MGAT4C: variants seen among roughly 807,000 people sequenced by gnomAD.
MGAT4C encodes alpha-1,3-mannosyl-glycoprotein 4-beta-N-acetylglucosaminyltransferase C.
Under a neutral mutation model 40.1 loss-of-function variants are expected in MGAT4C, and 19 were observed. That is an observed-to-expected ratio of 0.47 (90% confidence interval 0.33 to 0.70). The LOEUF (loss-of-function observed/expected upper bound fraction) is 0.70, where lower values mean the gene tolerates loss of function less well. Among genes scored for constraint, MGAT4C ranks in the 30% least tolerant of loss-of-function variants. MGAT4C has a pLI of 0.02. For synonymous variants in MGAT4C, 181 were observed against 187.1 expected (o/e 0.97, Z 0.27); for missense variants, 491 against 563.2 (o/e 0.87, Z 1.30).
At chr12:86,821,419 T>C (rs1242553754) in intron 1 of MGAT4C, among the ~76,000 whole-genome samples, 3 of 150,968 alleles carry the variant, frequency 2.0e-5, no homozygotes, top group Non-Finnish European at 4.5e-5. Context: ...TATTTTGATA[T>C]TATACAAGCA....
chr12:86,604,567 C>T (rs964720478), intron 2 of MGAT4C, among the ~76,000 whole-genome samples: 3 of 152,090 alleles, frequency 2.0e-5, no homozygotes, highest in African/African-American at 4.8e-5. Flanking sequence ...TCCAAATGTA[C>T]GTATCTAACA....
At chr12:86,554,516 C>A (rs939262238) in intron 2 of MGAT4C, among the ~76,000 whole-genome samples, 1 of 152,150 alleles carries the variant, frequency 6.6e-6, no homozygotes, top group African/African-American at 2.4e-5. Flanking sequence ...TCTTCTGTTT[C>A]CCCAAGATCC....
chr12:86,780,887 C>CT (rs1951827879), intron 1 of MGAT4C, among the ~76,000 whole-genome samples: 1 of 152,126 alleles, frequency 6.6e-6, no homozygotes, highest in Admixed American at 6.6e-5. Context: ...TTAGTTTCCA[C>CT]TGATAAGTGA....
chr12:86,650,292 T>G (rs1452626576), intron 2 of MGAT4C, among the ~76,000 whole-genome samples: 2 of 151,956 alleles, frequency 1.3e-5, no homozygotes, highest in African/African-American at 4.8e-5. Flanking sequence ...CAAGTATATT[T>G]CTTATGTGCC....
chr12:86,608,601 C>G (rs1962129658), intron 2 of MGAT4C, among the ~76,000 whole-genome samples: 1 of 151,768 alleles, frequency 6.6e-6, no homozygotes, highest in African/African-American at 2.4e-5. Flanking sequence ...TGTGCTAGTA[C>G]TTTATAATAC....
intron 2 of MGAT4C, among the ~76,000 whole-genome samples, chr12:86,705,239 TATCTATC>T (rs1950434156): frequency 6.6e-6 from 1 of 151,910 alleles, no homozygotes; most frequent in Non-Finnish European, 1.5e-5. Context: ...TCTATCTATC[TATCTATC>T]TATCTATCTA....
At chr12:86,499,718 A>G (rs893794311) in intron 2 of MGAT4C, among the ~76,000 whole-genome samples, 1 of 151,932 alleles carries the variant, frequency 6.6e-6, no homozygotes, top group Non-Finnish European at 1.5e-5. Context: ...ATCACAATTC[A>G]TTGTCATCTG....
At chr12:86,414,301 C>G (rs376142895) in intron 3 of MGAT4C, among the ~76,000 whole-genome samples, 6 of 151,926 alleles carry the variant, frequency 3.9e-5, no homozygotes, top group African/African-American at 1.5e-4. Flanking sequence ...GTTCTCAAAC[C>G]AGAAAGTCAT....
At chr12:86,590,582 C>T (rs1433615850) in intron 2 of MGAT4C, among the ~76,000 whole-genome samples, 1 of 151,890 alleles carries the variant, frequency 6.6e-6, no homozygotes, top group Admixed American at 6.6e-5. Flanking sequence ...ATATGGCTCC[C>T]TATTTTCAAA....
intron 1 of MGAT4C, among the ~76,000 whole-genome samples, chr12:86,121,412 C>T (rs542141740): frequency 2.7e-4 from 41 of 152,194 alleles, no homozygotes; most frequent in African/African-American, 9.6e-4. Context: ...AAAGATACTC[C>T]TCGAGACAAG....
chr12:86,277,223 T>C (rs1411942725), intron 4 of MGAT4C, among the ~76,000 whole-genome samples: 1 of 152,212 alleles, frequency 6.6e-6, no homozygotes, highest in Non-Finnish European at 1.5e-5. Context: ...ATGTCTCCTC[T>C]TGAGAAATGT....
At chr12:86,245,446 G>T (rs1542780) in intron 1 of MGAT4C, among the ~76,000 whole-genome samples, 121,935 of 152,104 alleles carry the variant, frequency 0.8, 49,098 homozygotes, top group East Asian at 0.95. Context: ...TTTGAACTTC[G>T]TTATATTTTG....
At chr12:86,501,608 T>C (rs1043443961) in intron 2 of MGAT4C, among the ~76,000 whole-genome samples, 5 of 151,814 alleles carry the variant, frequency 3.3e-5, no homozygotes, top group African/African-American at 1.2e-4. Flanking sequence ...GGTTTTCTGT[T>C]CCTGCATTAG....
At chr12:86,401,251 CAT>C (rs974323969) in intron 3 of MGAT4C, among the ~76,000 whole-genome samples, 19 of 145,306 alleles carry the variant, frequency 1.3e-4, no homozygotes, top group South Asian at 2.2e-4. Context: ...TTGTAGATAA[CAT>C]ATATATATGT....
rs1370530948 is a variant in MGAT4C, at chr12:85,957,630, C to A, written c.*21659G>T. ...TATGTCAAATAAAACCACAGATTTTCTTTTACTGTAGAGTTGAATAAGAAA... is the reference window on the plus strand; with the variant it reads ...TATGTCAAATAAAACCACAGATTTTATTTTACTGTAGAGTTGAATAAGAAA... On this transcript the variant is annotated 3_prime_UTR_variant, in exon 5 of 5. Coordinates refer to ENST00000611864, the MANE Select transcript of MGAT4C (RefSeq NM_001351288.2). The A allele has an allele frequency of 9.0e-6, 1 of 111,696 alleles. No homozygotes were observed. The highest frequency in any genetic ancestry group is 3.4e-5 in the African/African-American group (1 of 29,062). The allele number at this position is 111,696 out of a possible 1,614,324, so 6.9% of individuals were successfully genotyped here. A position where few individuals can be genotyped will look rare whatever the true frequency, so the allele number is the denominator to read the frequency against.
At chr12:86,189,016 G>A (rs897912691) in intron 1 of MGAT4C, among the ~76,000 whole-genome samples, 1 of 151,900 alleles carries the variant, frequency 6.6e-6, no homozygotes, top group Non-Finnish European at 1.5e-5. Context: ...GGAGATAGAG[G>A]AGTGTATTTT....
chr12:86,488,390 G>A (rs890516803), intron 2 of MGAT4C, among the ~76,000 whole-genome samples: 32 of 150,534 alleles, frequency 2.1e-4, no homozygotes, highest in African/African-American at 4.6e-4. Context: ...CCATGGCATC[G>A]TACTCCAGCC....
At chr12:86,626,493 T>C (rs1962808662) in intron 2 of MGAT4C, among the ~76,000 whole-genome samples, 1 of 152,182 alleles carries the variant, frequency 6.6e-6, no homozygotes, top group South Asian at 2.1e-4. Flanking sequence ...TTGTGGTTGT[T>C]TTTAAACTAT....
chr12:86,307,532 G>C (rs1953965466), intron 4 of MGAT4C, among the ~76,000 whole-genome samples: 1 of 150,300 alleles, frequency 6.7e-6, no homozygotes, highest in Non-Finnish European at 1.5e-5. Flanking sequence ...GTGGAGAAAT[G>C]CTGTCTATGC....
Sources: allele counts gnomAD v4.1 joint callset (sites outside exome capture counted in the v4.1 genomes callset), GRCh38; gene constraint gnomAD v4.1.1; transcripts MANE v1.5; gene names NCBI Gene and HGNC (gene_info 2026-07-23, HGNC 2026-07-21).